Variants in NADSYN1 observed in about 807,000 individuals in gnomAD.
The protein encoded by NADSYN1 is NAD synthetase 1, also known as glutamine-dependent NAD(+) synthetase.
A neutral mutation model predicts 99.3 loss-of-function variants in NADSYN1; 80 were observed. The ratio of observed to expected loss-of-function variants is 0.81; its 90% confidence interval spans 0.67 to 0.97. The LOEUF (loss-of-function observed/expected upper bound fraction) is 0.97. NADSYN1 is among the 50% of genes least tolerant of loss of function. The pLI, the probability that NADSYN1 is intolerant of heterozygous loss-of-function variation, is 0.00. For synonymous variants in NADSYN1, 385 were observed against 372.1 expected, an observed-to-expected ratio of 1.03 and a Z score of -0.40; for missense variants, 859 against 948.5, an observed-to-expected ratio of 0.91 and a Z score of 1.24.
At chr11:71,492,799 CG>C in intron 18 of NADSYN1, among the ~76,000 whole-genome samples, 1 of 152,024 alleles carries the variant, frequency 6.6e-6, no homozygotes, top group East Asian at 1.9e-4. Context: ...GTTTGGAGTT[CG>C]GGGAGTTTCG....
chr11:71,498,426 G>T lies in NADSYN1; in HGVS notation c.1968G>T (p.Ala656=), dbSNP rs147528912. 3 of 1,614,036 alleles carry T rather than the reference G, an allele frequency of 1.9e-6. No homozygotes were observed. Among genetic ancestry groups the T allele is most frequent in the Admixed American group, 3.3e-5 (2 of 59,994 alleles). Residue 656 remains alanine (A), a synonymous_variant, in exon 20 of 21, where the codon GCG becomes GCT. Coordinates refer to ENST00000319023, the MANE Select transcript of NADSYN1 (RefSeq NM_018161.5). ...ACAAGATGACCACGCTCACACCCGC[G>T]TACCACGCCGAGAACTACAGCCCTG... ...NRHKMTTLTP[A]YHAENYSPED...
chr11:71,491,020 T>A, intron 17 of NADSYN1, 44 bp downstream of exon 17: 1 of 1,611,258 alleles, frequency 6.2e-7, no homozygotes, highest in Non-Finnish European at 8.5e-7. Flanking sequence ...ACGGGGCTCC[T>A]CTCCCAGCAC....
chr11:71,490,189 G>A (rs546689307), intron 16 of NADSYN1, among the ~76,000 whole-genome samples: 1 of 152,242 alleles, frequency 6.6e-6, no homozygotes, highest in South Asian at 2.1e-4. Flanking sequence ...TTTGGCTCAC[G>A]ACGCCTCCTC....
intron 9 of NADSYN1, chr11:71,476,090 A>G (rs1467248719): frequency 2.2e-6 from 1 of 456,224 alleles, no homozygotes; most frequent in East Asian, 6.9e-5. Flanking sequence ...CAAGTGCACA[A>G]ATACAACAAA....
chr11:71,455,403 G>T, intron 2 of NADSYN1: 1 of 468,300 alleles, frequency 2.1e-6, no homozygotes, highest in Non-Finnish European at 3.8e-6. Context: ...TTTACCAGAT[G>T]AAGGCCAGTT....
At chr11:71,463,636 A>G (rs944574717) in intron 4 of NADSYN1, 151 bp downstream of exon 4, 4 of 693,814 alleles carry the variant, frequency 5.8e-6, no homozygotes, top group Admixed American at 2.8e-5. Flanking sequence ...CCGATGCACC[A>G]GGCAGGTGAT....
chr11:71,455,087 T>C (rs1207341258), intron 1 of NADSYN1, 23 bp from the exon 2 acceptor site: 1 of 1,598,042 alleles, frequency 6.3e-7, no homozygotes, highest in Non-Finnish European at 8.6e-7. Context: ...TGCTCCATTT[T>C]CTTTTTCTCT....
Position 71,473,260 on chromosome 11 carries a change from C to T in NADSYN1, c.460-18C>T. 5 of 1,613,144 alleles carry T rather than the reference C, an allele frequency of 3.1e-6. No homozygotes were observed. Among genetic ancestry groups the T allele is most frequent in the Non-Finnish European group, 3.4e-6 (4 of 1,179,170 alleles). On this transcript the variant is annotated intron_variant, in intron 6 of 20. Transcript: ENST00000319023. ...GCATGGCTAGTGAATCTCATGCACT[C>T]TTCTCTTCCGACTGCAGGAAACCGT...
intron 20 of NADSYN1, among the ~76,000 whole-genome samples, chr11:71,500,567 T>C (rs1949850670): frequency 9.0e-6 from 1 of 110,508 alleles, no homozygotes; most frequent in Non-Finnish European, 1.9e-5. Flanking sequence ...GTGTTGGTGG[T>C]GCCAAGGTTG....
rs1308588509 is a variant in NADSYN1 at position 71,455,115 on chromosome 11, G to A, written c.91G>A (p.Glu31Lys). The change falls in exon 2 of 21, where the codon GAA becomes AAA. Residue 31 changes from glutamate to lysine, a missense_variant. Coordinates refer to ENST00000319023, the MANE Select transcript of NADSYN1 (RefSeq NM_018161.5). The part of the protein sequence containing the change: ...GNLQRILKSI[E>K]IAKNRGARYR... ...TTTTCTCTCTGTACTTACAGGTATT[G>A]AAATTGCCAAAAACAGAGGAGCAAG... 1.2e-6 allele frequency: 2 copies of A among 1,613,602 alleles called. No homozygotes were observed. Among genetic ancestry groups the A allele is most frequent in the Non-Finnish European group, 1.7e-6 (2 of 1,179,600 alleles).
intron 3 of NADSYN1, among the ~76,000 whole-genome samples, chr11:71,462,064 G>A (rs991491962): frequency 2.6e-5 from 4 of 152,072 alleles, no homozygotes; most frequent in African/African-American, 9.7e-5. Flanking sequence ...AAATTCTAAG[G>A]CCCTCCCAAC....
In NADSYN1 at chr11:71,455,154, C is replaced by A; in HGVS notation, c.130C>A (p.Pro44Thr). 1 of 1,613,866 alleles carries A rather than the reference C, an allele frequency of 6.2e-7. No individual in the cohort carries two copies. Among genetic ancestry groups the A allele is most frequent in the Non-Finnish European group, 8.5e-7 (1 of 1,179,856 alleles). The change falls in exon 2 of 21, where the codon CCA (proline) becomes ACA (threonine). Residue 44 changes from proline (P) to threonine (T), a missense_variant. Physicochemically the swap from Pro to Thr is conservative, Grantham distance 38. Coordinates refer to ENST00000319023, the MANE Select transcript of NADSYN1 (RefSeq NM_018161.5). ...CAGAGGAGCAAGATACAGGCTTGGA[C>A]CAGAGCTGGAAATATGGTGAGAACA... ...KNRGARYRLG[P>T]ELEICGYGCW... is the part of the protein sequence containing the mutation.
intron 5 of NADSYN1, among the ~76,000 whole-genome samples, chr11:71,471,011 C>A (rs1949622969): frequency 6.6e-6 from 1 of 152,132 alleles, no homozygotes; most frequent in South Asian, 2.1e-4. Context: ...ACTTCAAATT[C>A]TTTTCTTAGT....
intron 16 of NADSYN1, among the ~76,000 whole-genome samples, 161 bp downstream of exon 16, chr11:71,485,809 C>T (rs973275524): frequency 6.6e-6 from 1 of 152,080 alleles, no homozygotes; most frequent in Non-Finnish European, 1.5e-5. Flanking sequence ...AGTGGCAGAG[C>T]GGATCAGCAT....
chr11:71,464,434 G>C (rs944330291), intron 5 of NADSYN1: 3 of 296,646 alleles, frequency 1.0e-5, no homozygotes, highest in Non-Finnish European at 1.3e-5. Context: ...GCTTCCCATC[G>C]GTTACTTGGT....
intron 2 of NADSYN1, among the ~76,000 whole-genome samples, chr11:71,458,107 CTT>C (rs1316733521): frequency 1.3e-5 from 2 of 152,192 alleles, no homozygotes; most frequent in African/African-American, 4.8e-5. Context: ...AGGTTCTTCT[CTT>C]GTAGATCAGT....
At position 71,458,467 on chromosome 11, in the gene NADSYN1, C is replaced by T; in HGVS notation, c.186C>T (p.Thr62=). 6.2e-7 allele frequency: 1 copy of T among 1,614,050 alleles called. No homozygotes were observed. Among genetic ancestry groups the T allele is most frequent in the Non-Finnish European group, 8.5e-7 (1 of 1,179,928 alleles). Residue 62 remains threonine (T), a synonymous_variant, in exon 3 of 21, where the codon ACC becomes ACT. Coordinates refer to ENST00000319023, the MANE Select transcript of NADSYN1 (RefSeq NM_018161.5). Reference sequence around the variant, plus strand: ...GGGATCATTATTACGAGTCGGACACCCTCTTGCACTCGTTTCAAGTCCTAG... The same window carrying T: ...GGGATCATTATTACGAGTCGGACACTCTCTTGCACTCGTTTCAAGTCCTAG... ...GCWDHYYESD[T]LLHSFQVLAA... is the part of the protein sequence containing the mutation.
At chr11:71,474,750 G>A (rs537003270) in intron 9 of NADSYN1, 61 of 527,872 alleles carry the variant, frequency 1.2e-4, no homozygotes, top group African/African-American at 1.1e-3. Context: ...TGTAAGCCGG[G>A]TGCTTAGTGA....
chr11:71,481,581 A>G, intron 12 of NADSYN1, 177 bp downstream of exon 12: 1 of 668,112 alleles, frequency 1.5e-6, no homozygotes, highest in Non-Finnish European at 2.5e-6. Context: ...AGGTGGGCAC[A>G]GTGGCTGGTG....
Sources: allele counts gnomAD v4.1 joint callset (sites outside exome capture counted in the v4.1 genomes callset), GRCh38; gene constraint gnomAD v4.1.1; transcripts MANE v1.5; gene names NCBI Gene and HGNC (gene_info 2026-07-23, HGNC 2026-07-21).